HEG1: variants seen among roughly 807,000 people sequenced by gnomAD.
The protein encoded by HEG1 is heart development protein with EGF like domains 1, also known as protein HEG homolog 1.
In HEG1, 56 loss-of-function variants were observed where a neutral mutation model predicts 125.6. The ratio of observed to expected loss-of-function variants is 0.45; its 90% confidence interval spans 0.36 to 0.56. The LOEUF is 0.56. HEG1 is among the 20% of genes least tolerant of loss of function. The pLI is 0.00. For synonymous variants in HEG1, 644 were observed against 668.5 expected (o/e 0.96, Z 0.57); for missense variants, 1,523 against 1,670.0 (o/e 0.91, Z 1.53).
chr3:124,988,532 C>T (rs1161423870), intron 14 of HEG1, among the ~76,000 whole-genome samples: 1 of 152,180 alleles, frequency 6.6e-6, no homozygotes, highest in Non-Finnish European at 1.5e-5. Flanking sequence ...GGGCCGTGCT[C>T]ACATGGTTCT....
At chr3:125,042,603 A>C (rs1331004891) in intron 1 of HEG1, among the ~76,000 whole-genome samples, 3 of 152,172 alleles carry the variant, frequency 2.0e-5, no homozygotes, top group African/African-American at 7.2e-5. Flanking sequence ...CGGGCCCCCC[A>C]GGGGTAGACA....
chr3:124,993,238 C>T (rs1253391080), intron 12 of HEG1, among the ~76,000 whole-genome samples: 1 of 152,202 alleles, frequency 6.6e-6, no homozygotes, highest in Non-Finnish European at 1.5e-5. Flanking sequence ...TCCTTCTGGC[C>T]TCAACAAAAC....
chr3:125,049,815 G>A (rs964216615), intron 1 of HEG1, among the ~76,000 whole-genome samples: 3 of 152,164 alleles, frequency 2.0e-5, no homozygotes, highest in African/African-American at 7.2e-5. Context: ...TGTAGTGAGG[G>A]CAGATATGTA....
chr3:125,043,376 C>A (rs993060640), intron 1 of HEG1, among the ~76,000 whole-genome samples: 1 of 151,844 alleles, frequency 6.6e-6, no homozygotes, highest in Non-Finnish European at 1.5e-5. Flanking sequence ...GATGAAGGAC[C>A]TTGGAGTGAC....
chr3:125,006,178 C>G (rs144110069), intron 8 of HEG1, among the ~76,000 whole-genome samples: 1 of 152,064 alleles, frequency 6.6e-6, no homozygotes, highest in Non-Finnish European at 1.5e-5. Context: ...ATGGGGCTGC[C>G]GACTCCATGA....
At chr3:124,979,105 A>G (rs1051736293) in intron 14 of HEG1, among the ~76,000 whole-genome samples, 2 of 151,994 alleles carry the variant, frequency 1.3e-5, no homozygotes, top group Non-Finnish European at 2.9e-5. Flanking sequence ...ACGTGCCACC[A>G]TGCCCTGCTA....
intron 1 of HEG1, among the ~76,000 whole-genome samples, chr3:125,036,587 T>C (rs1196991807): frequency 6.6e-6 from 1 of 152,176 alleles, no homozygotes; most frequent in Non-Finnish European, 1.5e-5. Flanking sequence ...CTGATAAAAA[T>C]GTTTAGCATC....
At chr3:124,993,749 T>C (rs1936870372) in intron 12 of HEG1, among the ~76,000 whole-genome samples, 1 of 152,200 alleles carries the variant, frequency 6.6e-6, no homozygotes, top group Non-Finnish European at 1.5e-5. Flanking sequence ...CTTCATCTGC[T>C]GGGTGGAAGT....
chr3:124,980,866 T>G (rs944346702), intron 14 of HEG1, among the ~76,000 whole-genome samples: 8 of 151,138 alleles, frequency 5.3e-5, no homozygotes, highest in African/African-American at 1.7e-4. Context: ...ATATCCTTTT[T>G]TTTTTTTGAG....
At chr3:124,991,644 C>T (rs541518640) in intron 12 of HEG1, among the ~76,000 whole-genome samples, 10 of 152,054 alleles carry the variant, frequency 6.6e-5, no homozygotes, top group Non-Finnish European at 1.2e-4. Flanking sequence ...AGATGAGTAG[C>T]TTTGTTGCCC....
At chr3:125,053,416 A>C (rs994723782) in intron 1 of HEG1, among the ~76,000 whole-genome samples, 1 of 152,164 alleles carries the variant, frequency 6.6e-6, no homozygotes, top group African/African-American at 2.4e-5. Flanking sequence ...AAAAAAAAGC[A>C]CAGGTCATGC....
intron 4 of HEG1, among the ~76,000 whole-genome samples, chr3:125,020,545 A>G (rs1477715338): frequency 6.6e-6 from 1 of 152,184 alleles, no homozygotes; most frequent in Non-Finnish European, 1.5e-5. Context: ...TGAGTGAGCT[A>G]AATGGCCAGG....
chr3:124,990,370 G>A (rs1204601073), intron 14 of HEG1, among the ~76,000 whole-genome samples: 7 of 149,140 alleles, frequency 4.7e-5, no homozygotes, highest in South Asian at 2.1e-4. Context: ...ACGAAGTGTC[G>A]CTCTGTAACC....
intron 6 of HEG1, 128 bp from the exon 7 acceptor site, chr3:125,010,683 C>T: frequency 1.5e-6 from 1 of 672,128 alleles, no homozygotes; most frequent in Non-Finnish European, 2.5e-6. Context: ...CCCTGAAAGG[C>T]CACATTACAA....
At chr3:125,004,547 T>C (rs1937044243) in intron 9 of HEG1, among the ~76,000 whole-genome samples, 1 of 152,056 alleles carries the variant, frequency 6.6e-6, no homozygotes. Context: ...TGGAGTGCAG[T>C]TGTTCGATCA....
chr3:125,045,444 C>T (rs1053807762), intron 1 of HEG1, among the ~76,000 whole-genome samples: 1 of 152,196 alleles, frequency 6.6e-6, no homozygotes, highest in Non-Finnish European at 1.5e-5. Flanking sequence ...TTATGAGAGA[C>T]TGTGGCTCAT....
intron 8 of HEG1, 116 bp downstream of exon 8, chr3:125,009,589 C>A: frequency 9.3e-7 from 1 of 1,080,386 alleles, no homozygotes; most frequent in Non-Finnish European, 1.3e-6. Context: ...TTCTATATTC[C>A]TTAAGTTTAT....
At chr3:125,029,108 A>G in intron 2 of HEG1, 87 bp downstream of exon 2, 3 of 1,421,296 alleles carry the variant, frequency 2.1e-6, no homozygotes, top group Non-Finnish European at 2.9e-6. Flanking sequence ...ACAATGGCTC[A>G]GAATGGGGTT....
intron 12 of HEG1, among the ~76,000 whole-genome samples, chr3:124,991,905 A>G (rs1167856430): frequency 2.6e-5 from 4 of 152,240 alleles, no homozygotes; most frequent in Admixed American, 2.0e-4. Context: ...CCACCATGTC[A>G]GGCATGTAGT....
Sources: gnomAD v4.1 joint callset for allele counts (sites outside exome capture counted in the v4.1 genomes callset) on GRCh38, gnomAD v4.1.1 for gene constraint, MANE v1.5 for transcripts, NCBI Gene and HGNC (gene_info 2026-07-23, HGNC 2026-07-21) for gene names.